Variants in C9orf50 observed in about 807,000 individuals in gnomAD.
The protein encoded by C9orf50 is uncharacterized protein C9orf50.
C9orf50 carries 33 observed loss-of-function variants against 42.5 expected under a neutral mutation model. That is an observed-to-expected ratio of 0.78 (90% CI 0.59 to 1.04). The LOEUF is 1.04. Ranked by LOEUF, C9orf50 falls within the 50% of genes least tolerant of loss-of-function variation. C9orf50 has a pLI of 0.00. For synonymous variants in C9orf50, 257 were observed against 273.4 expected, an observed-to-expected ratio of 0.94 and a Z score of 0.59; for missense variants, 547 against 594.3, an observed-to-expected ratio of 0.92 and a Z score of 0.83.
chr9:129,617,527 T>G (rs1038610997), intron 3 of C9orf50, among the ~76,000 whole-genome samples: 1 of 152,250 alleles, frequency 6.6e-6, no homozygotes, highest in Non-Finnish European at 1.5e-5. Flanking sequence ...TGCTCTTGAA[T>G]GTGAAAGTCT....
chr9:129,612,494 C>G, intron 6 of C9orf50, 40 bp from the exon 7 acceptor site: 2 of 1,538,114 alleles, frequency 1.3e-6, no homozygotes, highest in Non-Finnish European at 1.8e-6. Context: ...CTACCAGGAC[C>G]TCGGGGCAGG....
chr9:129,612,292 G>C, exon 7 of C9orf50: 1 of 1,458,280 alleles, frequency 6.9e-7, no homozygotes, highest in Non-Finnish European at 9.5e-7. Flanking sequence ...GGGCAAGGAA[G>C]GACGCTCCTC....
In C9orf50 at chr9:129,619,726, G is replaced by T. The variant is rs376839853; in HGVS notation, c.599+14C>A. 6.2e-7 allele frequency: 1 copy of T among 1,613,794 alleles called. No homozygotes were observed. On this transcript the variant is annotated intron_variant, in intron 2 of 6. Transcript: ENST00000372478. ...GGCAACCCCGTCCCCACCAAGAAGC[G>T]GACTGACGCTTACCACAGGTCTGGG...
exon 7 of C9orf50, chr9:129,612,399 T>C (rs3087721): frequency 0.05 from 81,357 of 1,612,926 alleles, 2,362 homozygotes; most frequent in Non-Finnish European, 0.06. Flanking sequence ...ATGGTACCCC[T>C]TAGGGCAGCC....
chr9:129,619,452 AG>A, intron 3 of C9orf50, 67 bp downstream of exon 3: 1 of 1,121,724 alleles, frequency 8.9e-7, no homozygotes, highest in South Asian at 1.4e-5. Context: ...TGGGCGAAAG[AG>A]GAAAGAAAGA....
At position 129,613,552 on chromosome 9, in the gene C9orf50, G is replaced by T. The variant is rs751652325; in HGVS notation, c.926C>A (p.Ala309Glu). Reference sequence around the variant, plus strand: ...GACACTCCCAAACACCCGCTCGGACGCCACTGGCAGGGCGGCCTTCTGGTT... The same window carrying T: ...GACACTCCCAAACACCCGCTCGGACTCCACTGGCAGGGCGGCCTTCTGGTT... Residue 309 changes from alanine to glutamate, a missense_variant, in exon 5 of 7, where the codon GCG becomes GAG. This residue lies in a region of C9orf50 where 334 missense variants were observed against 323.7 expected (regional missense o/e 1.03). Coordinates refer to ENST00000372478, the Ensembl canonical transcript of C9orf50. The surrounding 1 kb of genome is among the most constrained non-coding windows in gnomAD (Gnocchi z 6.2). 1.1e-5 allele frequency: 18 copies of T among 1,614,048 alleles called. No homozygotes were observed. In the African/African-American group the frequency reaches 2.4e-4, roughly 22 times the overall value.
rs762764772 is a variant in C9orf50 at position 129,620,094 on chromosome 9, TCTC to T, written c.478_480del (p.Glu160del). ...AGTGGCTCCGGCTCCTCGGCGCACT[TCTC>T]CTGGAGCTGGTGCAGGAACTCACGG... is the stretch of plus-strand genomic sequence containing the variant. On this transcript the variant is annotated inframe_deletion, in exon 1 of 7. Coordinates refer to ENST00000372478, the Ensembl canonical transcript of C9orf50. This position sits in a 1 kb window ranked among gnomAD's most constrained non-coding sequence, Gnocchi z 5.8. 3.2e-5 allele frequency: 47 copies of T among 1,449,638 alleles called. No individual in the cohort carries two copies. The East Asian group carries it at 1.1e-3, about 33-fold the overall frequency. The allele number at this position is 1,449,638 out of a possible 1,614,324, so 89.8% of individuals were successfully genotyped here.
intron 3 of C9orf50, among the ~76,000 whole-genome samples, chr9:129,618,849 C>T (rs1022701773): frequency 3.4e-4 from 50 of 147,992 alleles, no homozygotes; most frequent in Middle Eastern, 3.5e-3. Context: ...CCCGCCACCA[C>T]GCCCGGCTAA....
chr9:129,620,756 C>G lies in C9orf50; in HGVS notation c.-182G>C. On this transcript the variant is annotated 5_prime_UTR_variant, in exon 1 of 7. Coordinates refer to ENST00000372478, the Ensembl canonical transcript of C9orf50. This position sits in a 1 kb window ranked among gnomAD's most constrained non-coding sequence, Gnocchi z 5.8. ...CTTCAGGCGAGAGCTCCCAGAGCCT[C>G]TGTTTCCTCACCTGAAAAATGGTGA... is the stretch of plus-strand genomic sequence containing the variant. 2.1e-6 allele frequency: 1 copy of G among 484,374 alleles called. No individual in the cohort carries two copies. Among genetic ancestry groups the G allele is most frequent in the Non-Finnish European group, 3.3e-6 (1 of 306,134 alleles). 30.0% of individuals were successfully genotyped at this position (484,374 alleles called of 1,614,324 possible). A position where few individuals can be genotyped will look rare whatever the true frequency, so the allele number is the denominator to read the frequency against.
chr9:129,613,335 C>A lies in C9orf50; in HGVS notation c.1044-84G>T. ...CTGGCAGGGCCCTTGAGGACCCACA[C>A]TGGCAACCCGCCTGCTGCTGGGTGG... is the stretch of plus-strand genomic sequence containing the variant. On this transcript the variant is annotated intron_variant, in intron 5 of 6. Coordinates refer to ENST00000372478, the Ensembl canonical transcript of C9orf50. This position sits in a 1 kb window ranked among gnomAD's most constrained non-coding sequence, Gnocchi z 6.2. 1 of 1,566,458 alleles carries A rather than the reference C, an allele frequency of 6.4e-7. No individual in the cohort carries two copies. The highest frequency in any genetic ancestry group is 8.7e-7 in the Non-Finnish European group (1 of 1,155,000).
At chr9:129,621,911 T>C (rs1207636249), upstream of C9orf50, among the ~76,000 whole-genome samples, 3 of 152,194 alleles carry the variant, frequency 2.0e-5, no homozygotes, top group African/African-American at 7.2e-5. Context: ...CCATCATCCC[T>C]GCCTGGTGCC....
At position 129,613,682 on chromosome 9, in the gene C9orf50, G is replaced by A; in HGVS notation, c.881-85C>T. 1 of 1,545,844 alleles carries A rather than the reference G, an allele frequency of 6.5e-7. No homozygotes were observed. The highest frequency in any genetic ancestry group is 1.4e-5 in the African/African-American group (1 of 73,920). On this transcript the variant is annotated intron_variant, in intron 4 of 6. Transcript: ENST00000372478. This position sits in a 1 kb window ranked among gnomAD's most constrained non-coding sequence, Gnocchi z 6.2. ...CCTCTTTTCCTCCCTCTGGCAGGCA[G>A]GGCCGGTCAGAGCCCTGTCTCCATG... is the stretch of plus-strand genomic sequence containing the variant.
chr9:129,612,418 G>C (rs1830137296), exon 7 of C9orf50: 1 of 1,612,632 alleles, frequency 6.2e-7, no homozygotes, highest in African/African-American at 1.4e-5. Context: ...CCTTGCTTCA[G>C]GACCGACTGC....
rs1414170368 is a variant in C9orf50 at position 129,614,083 on chromosome 9, C to G, written c.881-486G>C. On this transcript the variant is annotated intron_variant, in intron 4 of 6. Transcript: ENST00000372478. This position sits in a 1 kb window ranked among gnomAD's most constrained non-coding sequence, Gnocchi z 4.4. ...CTGGGCACCCTGCTGCCCGGGACAC[C>G]ATGATAGCTCCTTATGGCCAGTGGC... Among the ~76,000 whole-genome samples the G allele has an allele frequency of 6.6e-6, 1 of 152,186 alleles. No homozygotes were observed. Among genetic ancestry groups the G allele is most frequent in the African/African-American group, 2.4e-5 (1 of 41,452 alleles).
At position 129,620,659 on chromosome 9, in the gene C9orf50, C is replaced by G; in HGVS notation, c.-85G>C. On this transcript the variant is annotated 5_prime_UTR_variant, in exon 1 of 7. Coordinates refer to ENST00000372478, the Ensembl canonical transcript of C9orf50. This position sits in a 1 kb window ranked among gnomAD's most constrained non-coding sequence, Gnocchi z 5.8. The stretch of plus-strand genomic sequence containing the variant: ...GAGGTGGGGAGGGCATAGTCCAGCC[C>G]CAGGCCATAGTGCCCCGGGCGGGGC... The G allele has an allele frequency of 8.3e-7, 1 of 1,209,664 alleles. No homozygotes were observed. The highest frequency in any genetic ancestry group is 1.0e-6 in the Non-Finnish European group (1 of 963,054). The allele number at this position is 1,209,664 out of a possible 1,614,324, so 74.9% of individuals were successfully genotyped here.
Position 129,613,273 on chromosome 9 carries a change from G to A in C9orf50, c.1044-22C>T, listed in dbSNP as rs1405573487. 1 of 1,587,022 alleles carries A rather than the reference G, an allele frequency of 6.3e-7. No individual in the cohort carries two copies. The highest frequency in any genetic ancestry group is 8.6e-7 in the Non-Finnish European group (1 of 1,164,518). ...GGACCTGGGGGAGACAGGACCCCAT[G>A]AGCTTCCTGGACTCTGAGTCCCCGG... On this transcript the variant is annotated intron_variant, in intron 5 of 6. Transcript: ENST00000372478. The surrounding 1 kb of genome is among the most constrained non-coding windows in gnomAD (Gnocchi z 6.2).
chr9:129,619,527 CCTTT>C lies in C9orf50; in HGVS notation c.705_708del (p.Lys236ProfsTer17). On this transcript the variant is annotated frameshift_variant, in exon 3 of 7. Transcript: ENST00000372478. LOFTEE classifies it high-confidence loss of function. ...ATCCCGCCCATCACTCACTGGTTGG[CCTTT>C]CTGACAGTGGTGAATTGTGAGTGAT... The C allele has an allele frequency of 6.2e-7, 1 of 1,612,906 alleles. No individual in the cohort carries two copies. Among genetic ancestry groups the C allele is most frequent in the Non-Finnish European group, 8.5e-7 (1 of 1,179,128 alleles).
chr9:129,617,963 C>T (rs1286602514), intron 3 of C9orf50, among the ~76,000 whole-genome samples: 3 of 152,202 alleles, frequency 2.0e-5, no homozygotes, highest in Non-Finnish European at 4.4e-5. Context: ...GGATTATAGG[C>T]ATGAGCCACC....
chr9:129,618,980 C>G lies in C9orf50; in HGVS notation c.716+540G>C, dbSNP rs368515845. Among the ~76,000 whole-genome samples the G allele has an allele frequency of 4.0e-4, 61 of 150,954 alleles. 2 individuals carry two copies. Among genetic ancestry groups the G allele is most frequent in the East Asian group, 3.2e-3 (16 of 5,070 alleles). ...CCGCCCACCTCAGCCTCCCAAAGTGCTGGGATTACAGGTGTGAGCCACCGT... is the reference window on the plus strand; with the variant it reads ...CCGCCCACCTCAGCCTCCCAAAGTGGTGGGATTACAGGTGTGAGCCACCGT... On this transcript the variant is annotated intron_variant, in intron 3 of 6. Coordinates refer to ENST00000372478, the Ensembl canonical transcript of C9orf50.
Sources: gnomAD v4.1 joint callset for allele counts (sites outside exome capture counted in the v4.1 genomes callset) on GRCh38, gnomAD v4.1.1 for gene constraint, gnomAD v4.1.1 regional missense constraint, Gnocchi (gnomAD v3.1) non-coding constraint, MANE v1.5 for transcripts, NCBI Gene and HGNC (gene_info 2026-07-23, HGNC 2026-07-21) for gene names.